Variants in CNNM4 observed in about 807,000 individuals in gnomAD.
CNNM4 encodes cyclin and CBS domain divalent metal cation transport mediator 4.
A neutral mutation model predicts 53.7 loss-of-function variants in CNNM4; 32 were observed. That is an observed-to-expected ratio of 0.60 (90% CI 0.45 to 0.80). The LOEUF is 0.80. Ranked by LOEUF, CNNM4 falls within the 30% of genes least tolerant of loss-of-function variation. The probability of loss-of-function intolerance (pLI) is 0.00; values close to 1 mark genes in which losing one functional copy is unlikely to be tolerated. For synonymous variants in CNNM4, 410 were observed against 440.0 expected, an observed-to-expected ratio of 0.93 and a Z score of 0.85; for missense variants, 784 against 1,022.0, an observed-to-expected ratio of 0.77 and a Z score of 3.17.
intron 1 of CNNM4, among the ~76,000 whole-genome samples, chr2:96,769,812 G>C (rs540572245): frequency 6.6e-6 from 1 of 152,160 alleles, no homozygotes; most frequent in African/African-American, 2.4e-5. Flanking sequence ...GCTTTGCACC[G>C]GTTCTCCGTC....
At chr2:96,793,298 A>G (rs1420643483) in intron 1 of CNNM4, among the ~76,000 whole-genome samples, 1 of 152,188 alleles carries the variant, frequency 6.6e-6, no homozygotes, top group African/African-American at 2.4e-5. Flanking sequence ...TTCTACCAGG[A>G]CAAAAAGATG....
At chr2:96,799,959 T>C (rs1434978624) in intron 5 of CNNM4, among the ~76,000 whole-genome samples, 1 of 151,972 alleles carries the variant, frequency 6.6e-6, no homozygotes, top group Non-Finnish European at 1.5e-5. Context: ...AGAGGAGGCC[T>C]GTGGGGAGGA....
At position 96,797,895 on chromosome 2, in the gene CNNM4, T is replaced by C. The variant is rs564121196; in HGVS notation, c.1681+248T>C. 3.4e-4 allele frequency among the ~76,000 whole-genome samples: 52 copies of C among 152,242 alleles called. No individual in the cohort carries two copies. The highest frequency in any genetic ancestry group is 1.2e-3 in the African/African-American group (51 of 41,548). On this transcript the variant is annotated intron_variant, in intron 3 of 6. Transcript: ENST00000377075. The surrounding 1 kb of genome is among the most constrained non-coding windows in gnomAD (Gnocchi z 6.0). ...CATCCAAGTTACTATATTTAATAGTTTGGGAAATAATGACTAGGCACTATG... is the reference window on the plus strand; with the variant it reads ...CATCCAAGTTACTATATTTAATAGTCTGGGAAATAATGACTAGGCACTATG...
At position 96,761,028 on chromosome 2, in the gene CNNM4, C is replaced by T. The variant is rs984056715; in HGVS notation, c.29C>T (p.Pro10Leu). The change falls in exon 1 of 7, where the codon CCG (proline) becomes CTG (leucine). Residue 10 changes from proline to leucine, a missense_variant. Coordinates refer to ENST00000377075, the MANE Select transcript of CNNM4 (RefSeq NM_020184.4). This position sits in a 1 kb window ranked among gnomAD's most constrained non-coding sequence, Gnocchi z 6.0. MAPVGGGGR[P>L]VGGPARGRLL... The stretch of plus-strand genomic sequence containing the variant: ...GCGCCGGTGGGCGGGGGCGGGCGCC[C>T]GGTCGGCGGACCGGCCCGCGGGCGC... The T allele has an allele frequency of 9.1e-6, 11 of 1,205,974 alleles. No individual in the cohort carries two copies. The African/African-American group carries it at 1.3e-4, about 14-fold the overall frequency. The allele number at this position is 1,205,974 out of a possible 1,614,324, so 74.7% of individuals were successfully genotyped here.
intron 1 of CNNM4, among the ~76,000 whole-genome samples, chr2:96,789,720 A>C (rs1300868973): frequency 1.3e-5 from 2 of 150,820 alleles, no homozygotes; most frequent in African/African-American, 4.9e-5. Flanking sequence ...TTTTTGAGAC[A>C]GAGTCTGTGT....
At position 96,810,346 on chromosome 2, in the gene CNNM4, T is replaced by A. The variant is rs1384178927; in HGVS notation, c.*829T>A. The A allele has an allele frequency of 2.0e-5, 3 of 152,670 alleles. No individual in the cohort carries two copies. Among genetic ancestry groups the A allele is most frequent in the Non-Finnish European group, 4.4e-5 (3 of 68,060 alleles). The allele number at this position is 152,670 out of a possible 1,614,324, so 9.5% of individuals were successfully genotyped here. A position where few individuals can be genotyped will look rare whatever the true frequency, so the allele number is the denominator to read the frequency against. On this transcript the variant is annotated 3_prime_UTR_variant, in exon 7 of 7. Transcript: ENST00000377075. This position sits in a 1 kb window ranked among gnomAD's most constrained non-coding sequence, Gnocchi z 4.1. ...TTTGTGACAGGGCTGACTCAAGTGTTAGGCAGGGTCTCAGGCCTTTGATTG... is the reference window on the plus strand; with the variant it reads ...TTTGTGACAGGGCTGACTCAAGTGTAAGGCAGGGTCTCAGGCCTTTGATTG...
In CNNM4 at chr2:96,761,170, G is replaced by T; in HGVS notation, c.171G>T (p.Ser57=). The T allele has an allele frequency of 6.2e-7, 1 of 1,612,400 alleles. No individual in the cohort carries two copies. The highest frequency in any genetic ancestry group is 1.7e-5 in the Admixed American group (1 of 59,972). Residue 57 remains serine, a synonymous_variant, in exon 1 of 7, where the codon TCG becomes TCT. Coordinates refer to ENST00000377075, the MANE Select transcript of CNNM4 (RefSeq NM_020184.4). This position sits in a 1 kb window ranked among gnomAD's most constrained non-coding sequence, Gnocchi z 6.0. ...VGMRLASCNK[S]CGTNPDGIIF... is the part of the protein sequence containing the mutation. ...TGAGGCTGGCGAGCTGCAACAAGTC[G>T]TGTGGGACGAACCCGGATGGCATCA...
chr2:96,787,594 A>G (rs996865044), intron 1 of CNNM4, among the ~76,000 whole-genome samples: 3 of 152,174 alleles, frequency 2.0e-5, no homozygotes, highest in African/African-American at 7.2e-5. Flanking sequence ...ATGGTGACTC[A>G]CGCCTACAGT....
intron 5 of CNNM4, among the ~76,000 whole-genome samples, chr2:96,805,845 T>A (rs1392966556): frequency 1.3e-5 from 2 of 150,676 alleles, no homozygotes; most frequent in African/African-American, 4.9e-5. Context: ...CCATGTCTAC[T>A]TCTTTCCACA....
intron 1 of CNNM4, among the ~76,000 whole-genome samples, chr2:96,780,801 G>A (rs1031042342): frequency 5.3e-5 from 8 of 150,150 alleles, no homozygotes; most frequent in African/African-American, 1.7e-4. Flanking sequence ...CCAGTGGCAC[G>A]ATCTTGGCTC....
chr2:96,780,972 CTTTTTTTTTT>C (rs1049996269), intron 1 of CNNM4, among the ~76,000 whole-genome samples: 1 of 50,012 alleles, frequency 2.0e-5, no homozygotes, highest in African/African-American at 9.4e-5. Flanking sequence ...ATCTCGAACT[CTTTTTTTTTT>C]TTTTTTTTTT....
At chr2:96,771,750 T>G (rs1309306943) in intron 1 of CNNM4, among the ~76,000 whole-genome samples, 1 of 152,004 alleles carries the variant, frequency 6.6e-6, no homozygotes, top group African/African-American at 2.4e-5. Context: ...AAAGAAATCC[T>G]TGCTTTTTGG....
Position 96,808,866 on chromosome 2 carries a change from G to T in CNNM4, c.2130+124G>T, listed in dbSNP as rs572844826. On this transcript the variant is annotated intron_variant, in intron 6 of 6. Transcript: ENST00000377075. The surrounding 1 kb of genome is among the most constrained non-coding windows in gnomAD (Gnocchi z 4.9). Reference sequence around the variant, plus strand: ...AGATGCCTTTTTCTTCTGGAGATGGGGTCTTGCTCTGTCGCCCAGGCTGGA... The same window carrying T: ...AGATGCCTTTTTCTTCTGGAGATGGTGTCTTGCTCTGTCGCCCAGGCTGGA... 2.0e-6 allele frequency: 2 copies of T among 978,516 alleles called. No individual in the cohort carries two copies. Among genetic ancestry groups the T allele is most frequent in the East Asian group, 5.2e-5 (2 of 38,538 alleles). The allele number at this position is 978,516 out of a possible 1,614,324, so 60.6% of individuals were successfully genotyped here.
chr2:96,799,749 C>G lies in CNNM4; in HGVS notation c.1948+101C>G, dbSNP rs2079142056. The G allele has an allele frequency of 2.9e-6, 3 of 1,042,700 alleles. No individual in the cohort carries two copies. The Admixed American group carries it at 6.0e-5, about 21-fold the overall frequency. The allele number at this position is 1,042,700 out of a possible 1,614,324, so 64.6% of individuals were successfully genotyped here. A position where few individuals can be genotyped will look rare whatever the true frequency, so the allele number is the denominator to read the frequency against. ...GAGCATGGGCCCGAGAGCTCATAGC[C>G]AGCTGGCTGGGGCAGAGGGAGGCTG... On this transcript the variant is annotated intron_variant, in intron 5 of 6. Coordinates refer to ENST00000377075, the MANE Select transcript of CNNM4 (RefSeq NM_020184.4).
chr2:96,763,905 G>C (rs1308705234), intron 1 of CNNM4, among the ~76,000 whole-genome samples: 1 of 151,862 alleles, frequency 6.6e-6, no homozygotes, highest in Non-Finnish European at 1.5e-5. Flanking sequence ...GGGCGGCTTT[G>C]GGAGTGCAGA....
At chr2:96,769,817 TCC>T (rs2078853128) in intron 1 of CNNM4, among the ~76,000 whole-genome samples, 1 of 152,166 alleles carries the variant, frequency 6.6e-6, no homozygotes, top group Non-Finnish European at 1.5e-5. Flanking sequence ...GCACCGGTTC[TCC>T]GTCAGCCCTG....
intron 1 of CNNM4, among the ~76,000 whole-genome samples, chr2:96,777,433 C>A (rs920933891): frequency 3.9e-5 from 6 of 152,150 alleles, no homozygotes; most frequent in Non-Finnish European, 7.3e-5. Context: ...ATAGCTTCAA[C>A]TTCCCAGGCT....
In CNNM4 at chr2:96,761,805, T is replaced by C; in HGVS notation, c.806T>C (p.Leu269Pro). 4 of 1,613,964 alleles carry C rather than the reference T, an allele frequency of 2.5e-6. No individual in the cohort carries two copies. The highest frequency in any genetic ancestry group is 3.4e-6 in the Non-Finnish European group (4 of 1,180,026). The change falls in exon 1 of 7, where the codon CTC (leucine) becomes CCC (proline). Residue 269 changes from leucine (L) to proline (P), a missense_variant. Leu to Pro is a moderately conservative substitution (Grantham distance 98). Coordinates refer to ENST00000377075, the MANE Select transcript of CNNM4 (RefSeq NM_020184.4). This position sits in a 1 kb window ranked among gnomAD's most constrained non-coding sequence, Gnocchi z 6.0. ...CTAGACAACCTCATCGGGTCCGGCC[T>C]CATGGCGGTGGCCTCCTCCACCATT... ...ILLDNLIGSG[L>P]MAVASSTIGI...
At chr2:96,780,255 G>T (rs2078962143) in intron 1 of CNNM4, among the ~76,000 whole-genome samples, 1 of 151,958 alleles carries the variant, frequency 6.6e-6, no homozygotes, top group Admixed American at 6.6e-5. Context: ...CATAAATGAG[G>T]GCTCTAAAAT....
Sources: gnomAD v4.1 joint callset for allele counts (sites outside exome capture counted in the v4.1 genomes callset) on GRCh38, gnomAD v4.1.1 for gene constraint, Gnocchi (gnomAD v3.1) non-coding constraint, MANE v1.5 for transcripts, NCBI Gene and HGNC (gene_info 2026-07-23, HGNC 2026-07-21) for gene names.